The following AKAP6 variants were observed in gnomAD, a reference collection of about 807,000 sequenced individuals.
AKAP6 encodes A-kinase anchor protein 6.
AKAP6 carries 58 observed loss-of-function variants against 188.5 expected under a neutral mutation model. The observed-to-expected ratio is 0.31, with a 90% CI of 0.25 to 0.38. AKAP6 has a LOEUF of 0.38. AKAP6 is among the 10% of genes least tolerant of loss of function. The probability of loss-of-function intolerance (pLI) is 1.00; values close to 1 mark genes in which losing one functional copy is unlikely to be tolerated. For synonymous variants in AKAP6, 989 were observed against 998.6 expected (o/e 0.99, Z 0.18); for missense variants, 2,710 against 2,740.0 (o/e 0.99, Z 0.24).
chr14:32,596,880 C>G (rs4981991), intron 5 of AKAP6, among the ~76,000 whole-genome samples: 16,906 of 152,186 alleles, frequency 0.11, 1,192 homozygotes, highest in Admixed American at 0.2. Context: ...CTTTAGCAGC[C>G]AGAAATTTCA....
At chr14:32,410,545 CT>C (rs1446155333) in intron 1 of AKAP6, among the ~76,000 whole-genome samples, 1 of 152,162 alleles carries the variant, frequency 6.6e-6, no homozygotes, top group Non-Finnish European at 1.5e-5. Flanking sequence ...CTCCGGAGGG[CT>C]GTGTCACAGG....
In AKAP6 at chr14:32,577,261, T is replaced by C; in HGVS notation, c.2469+19T>C. On this transcript the variant is annotated intron_variant, in intron 5 of 13. Transcript: ENST00000280979. Reference sequence around the variant, plus strand: ...ACACTTGGTAGGCAAGATTGTGTTGTTCTTGCTGTCAATAATCAAAGGATT... The same window carrying C: ...ACACTTGGTAGGCAAGATTGTGTTGCTCTTGCTGTCAATAATCAAAGGATT... 1 of 1,602,298 alleles carries C rather than the reference T, an allele frequency of 6.2e-7. No individual in the cohort carries two copies. Among genetic ancestry groups the C allele is most frequent in the Non-Finnish European group, 8.5e-7 (1 of 1,176,614 alleles).
intron 9 of AKAP6, among the ~76,000 whole-genome samples, chr14:32,721,883 A>G (rs1310427126): frequency 2.0e-5 from 3 of 152,180 alleles, no homozygotes; most frequent in Non-Finnish European, 4.4e-5. Flanking sequence ...TCTATCTCCC[A>G]GGCCAATCCT....
chr14:32,591,407 A>G (rs1885478691), intron 5 of AKAP6, among the ~76,000 whole-genome samples: 1 of 151,934 alleles, frequency 6.6e-6, no homozygotes, highest in Non-Finnish European at 1.5e-5. Context: ...TAATTCTTGC[A>G]TAACATATTA....
At chr14:32,352,641 A>G (rs921113198) in intron 1 of AKAP6, among the ~76,000 whole-genome samples, 8 of 152,172 alleles carry the variant, frequency 5.3e-5, no homozygotes, top group Admixed American at 3.9e-4. Context: ...GATTCCACAA[A>G]TGAGTGCGAT....
intron 10 of AKAP6, chr14:32,732,891 A>G (rs1219504863): frequency 1.7e-6 from 1 of 584,482 alleles, no homozygotes; most frequent in African/African-American, 1.9e-5. Flanking sequence ...AGTCAACTAT[A>G]ATACAGTATA....
At chr14:32,554,712 T>C (rs1250003425) in intron 4 of AKAP6, among the ~76,000 whole-genome samples, 2 of 152,138 alleles carry the variant, frequency 1.3e-5, no homozygotes, top group Non-Finnish European at 2.9e-5. Context: ...TAGCCACTTG[T>C]ATAAGGTGGG....
intron 2 of AKAP6, among the ~76,000 whole-genome samples, chr14:32,443,419 A>T (rs1184000774): frequency 6.6e-6 from 1 of 151,110 alleles, no homozygotes; most frequent in Non-Finnish European, 1.5e-5. Flanking sequence ...AAAAAAAAAC[A>T]AAAAAACAAA....
chr14:32,794,402 A>T (rs2033700702), intron 12 of AKAP6, among the ~76,000 whole-genome samples: 1 of 152,116 alleles, frequency 6.6e-6, no homozygotes, highest in East Asian at 1.9e-4. Flanking sequence ...TCTACTAAAG[A>T]TATAAAAATT....
At chr14:32,397,437 G>A (rs1206042553) in intron 1 of AKAP6, among the ~76,000 whole-genome samples, 2 of 147,910 alleles carry the variant, frequency 1.4e-5, no homozygotes, top group Non-Finnish European at 3.0e-5. Context: ...GAGTGCAGTA[G>A]CGTGATCTCA....
At chr14:32,499,248 G>A (rs1450560365) in intron 2 of AKAP6, among the ~76,000 whole-genome samples, 2 of 140,248 alleles carry the variant, frequency 1.4e-5, no homozygotes, top group Non-Finnish European at 3.0e-5. Context: ...ATGATTATTT[G>A]TTATGATTTA....
intron 2 of AKAP6, among the ~76,000 whole-genome samples, chr14:32,518,576 A>T (rs1278334929): frequency 6.6e-6 from 1 of 152,230 alleles, no homozygotes; most frequent in Non-Finnish European, 1.5e-5. Flanking sequence ...AATTCGATCA[A>T]GTGGAAGAAA....
chr14:32,720,964 T>C (rs1167101069), intron 9 of AKAP6, among the ~76,000 whole-genome samples: 2 of 152,214 alleles, frequency 1.3e-5, no homozygotes, highest in African/African-American at 4.8e-5. Context: ...AATGAAACTT[T>C]TACATTGGAA....
Position 32,568,026 on chromosome 14 carries a change from AAAC to A in AKAP6, c.2347-9088_2347-9086del, listed in dbSNP as rs1302260095. 1.3e-5 allele frequency among the ~76,000 whole-genome samples: 2 copies of A among 152,116 alleles called. No individual in the cohort carries two copies. Among genetic ancestry groups the A allele is most frequent in the African/African-American group, 2.4e-5 (1 of 41,432 alleles). Reference sequence around the variant, plus strand: ...GAAGAGGAAAGAGAAAAAAGAGGCAAAACAACAATAGTCAAGGAAGAAAGAAAA... The same window carrying A: ...GAAGAGGAAAGAGAAAAAAGAGGCAAAACAATAGTCAAGGAAGAAAGAAAA... On this transcript the variant is annotated intron_variant, in intron 4 of 13. Transcript: ENST00000280979. This position sits in a 1 kb window ranked among gnomAD's most constrained non-coding sequence, Gnocchi z 6.2.
chr14:32,572,835 A>T (rs1884550706), intron 4 of AKAP6, among the ~76,000 whole-genome samples: 1 of 152,198 alleles, frequency 6.6e-6, no homozygotes, highest in Admixed American at 6.5e-5. Context: ...GAACTTTCAA[A>T]ATGCAAATGA....
At chr14:32,765,010 CT>C (rs2032666428) in intron 11 of AKAP6, among the ~76,000 whole-genome samples, 1 of 149,368 alleles carries the variant, frequency 6.7e-6, no homozygotes, top group Admixed American at 6.7e-5. Context: ...TCTCGGCTCA[CT>C]GCAACCTCTG....
At chr14:32,689,986 G>A (rs73264891) in intron 8 of AKAP6, among the ~76,000 whole-genome samples, 1 of 151,318 alleles carries the variant, frequency 6.6e-6, no homozygotes, top group African/African-American at 2.4e-5. Context: ...ATAGACAGGT[G>A]GTATTTCAGG....
At chr14:32,781,847 C>T (rs1386851881) in intron 12 of AKAP6, among the ~76,000 whole-genome samples, 3 of 152,020 alleles carry the variant, frequency 2.0e-5, no homozygotes, top group Non-Finnish European at 4.4e-5. Context: ...AATATCCTTC[C>T]TGATAAAAAC....
intron 12 of AKAP6, among the ~76,000 whole-genome samples, chr14:32,813,099 C>T (rs2034280512): frequency 6.6e-6 from 1 of 152,184 alleles, no homozygotes; most frequent in African/African-American, 2.4e-5. Context: ...ATCCTTCTGA[C>T]CCACGGGCTG....
Sources: gnomAD v4.1 joint callset for allele counts (sites outside exome capture counted in the v4.1 genomes callset) on GRCh38, gnomAD v4.1.1 for gene constraint, Gnocchi (gnomAD v3.1) non-coding constraint, MANE v1.5 for transcripts, NCBI Gene and HGNC (gene_info 2026-07-23, HGNC 2026-07-21) for gene names.